Variants in GALNT13 observed in about 807,000 individuals in gnomAD.
The protein encoded by GALNT13 is polypeptide N-acetylgalactosaminyltransferase 13.
Under a neutral mutation model 64.2 loss-of-function variants are expected in GALNT13, and 28 were observed. The observed-to-expected ratio is 0.44, with a 90% CI of 0.32 to 0.60. The LOEUF is 0.60. GALNT13 is among the 20% of genes least tolerant of loss of function. GALNT13 has a pLI of 0.05. For synonymous variants in GALNT13, 214 were observed against 224.6 expected, an observed-to-expected ratio of 0.95 and a Z score of 0.42; for missense variants, 577 against 669.8, an observed-to-expected ratio of 0.86 and a Z score of 1.53.
chr2:153,896,081 A>ATATATATATATATATATATTTTTT (rs1574065409), intron 1 of GALNT13, among the ~76,000 whole-genome samples: 5 of 136,866 alleles, frequency 3.7e-5, no homozygotes, highest in Non-Finnish European at 4.7e-5. Context: ...ATGATTTTAT[A>ATATATATATATATATATATTTTTT]TTTTTATGTT....
intron 4 of GALNT13, among the ~76,000 whole-genome samples, chr2:154,168,176 G>A (rs1196041004): frequency 2.0e-5 from 3 of 152,124 alleles, no homozygotes; most frequent in Admixed American, 6.5e-5. Flanking sequence ...GCATGTCACA[G>A]AGAGATTTAT....
chr2:153,687,537 T>A, the GALNT13 span, among the ~76,000 whole-genome samples: 1 of 152,012 alleles, frequency 6.6e-6, no homozygotes, highest in East Asian at 1.9e-4. Context: ...GAAGAGTAAA[T>A]ATTTATCTCT....
chr2:154,154,501 C>T (rs76255123), intron 4 of GALNT13, among the ~76,000 whole-genome samples: 3 of 152,182 alleles, frequency 2.0e-5, no homozygotes, highest in African/African-American at 4.8e-5. Flanking sequence ...ATTTAGGAAG[C>T]GTTATTCTTG....
At chr2:154,191,675 G>A (rs1304207959) in intron 4 of GALNT13, among the ~76,000 whole-genome samples, 1 of 152,082 alleles carries the variant, frequency 6.6e-6, no homozygotes, top group Non-Finnish European at 1.5e-5. Context: ...CCCCTCACAG[G>A]GCGTGCAGTG....
rs868691645 is a variant in GALNT13, at chr2:154,242,805, G to A, written c.586G>A (p.Ala196Thr). 1.9e-6 allele frequency: 3 copies of A among 1,613,976 alleles called. No homozygotes were observed. The highest frequency in any genetic ancestry group is 2.5e-6 in the Non-Finnish European group (3 of 1,179,960). ...SGLIRARLRG[A>T]AASKGQVITF... ...GTTAATACGTGCCCGTCTTCGAGGA[G>A]CAGCTGCTTCAAAAGGGCAGGTCAT... Residue 196 changes from alanine to threonine, a missense_variant, in exon 6 of 13, where the codon GCA becomes ACA. This residue lies in a region of GALNT13 where 341 missense variants were observed against 379.3 expected (regional missense o/e 0.90). Coordinates refer to ENST00000392825, the MANE Select transcript of GALNT13 (RefSeq NM_052917.4).
intron 3 of GALNT13, among the ~76,000 whole-genome samples, chr2:154,019,141 T>C (rs1009144104): frequency 6.6e-6 from 1 of 152,142 alleles, no homozygotes; most frequent in East Asian, 1.9e-4. Flanking sequence ...GCTCTTGGTT[T>C]CCTTGAGTTC....
the GALNT13 span, among the ~76,000 whole-genome samples, chr2:153,228,326 A>G: frequency 6.6e-6 from 1 of 152,180 alleles, no homozygotes; most frequent in Non-Finnish European, 1.5e-5. Flanking sequence ...TTACTTTTCT[A>G]TGTCAAAAGC....
chr2:153,219,542 GC>G, the GALNT13 span, among the ~76,000 whole-genome samples: 1 of 152,182 alleles, frequency 6.6e-6, no homozygotes, highest in East Asian at 1.9e-4. Flanking sequence ...TAAGTGCTGA[GC>G]TAAATAAGTA....
At chr2:153,357,762 T>C in the GALNT13 span, among the ~76,000 whole-genome samples, 1 of 152,200 alleles carries the variant, frequency 6.6e-6, no homozygotes, top group African/African-American at 2.4e-5. Flanking sequence ...AAAAAAGACA[T>C]TGTATATTTG....
intron 12 of GALNT13, among the ~76,000 whole-genome samples, chr2:154,442,415 A>G (rs1004155754): frequency 6.6e-6 from 1 of 152,074 alleles, no homozygotes; most frequent in Non-Finnish European, 1.5e-5. Context: ...ATAACCACGA[A>G]TTCAATTCAC....
At chr2:153,404,711 G>T in the GALNT13 span, among the ~76,000 whole-genome samples, 5 of 151,946 alleles carry the variant, frequency 3.3e-5, no homozygotes, top group Admixed American at 2.6e-4. Flanking sequence ...TATGTCTTTG[G>T]TATTAATCAC....
intron 9 of GALNT13, among the ~76,000 whole-genome samples, chr2:154,343,421 C>A (rs1445507443): frequency 6.6e-6 from 1 of 152,002 alleles, no homozygotes; most frequent in African/African-American, 2.4e-5. Context: ...AATTTTCAAA[C>A]TGGCAAGCAA....
At chr2:153,183,014 A>G in the GALNT13 span, among the ~76,000 whole-genome samples, 1 of 152,158 alleles carries the variant, frequency 6.6e-6, no homozygotes, top group Non-Finnish European at 1.5e-5. Flanking sequence ...TGCTGGGTTG[A>G]ATGGTATATC....
intron 4 of GALNT13, among the ~76,000 whole-genome samples, chr2:154,236,713 T>C (rs192805377): frequency 4.6e-5 from 7 of 152,160 alleles, no homozygotes; most frequent in Admixed American, 3.9e-4. Flanking sequence ...TACATATACA[T>C]TGTGCTCTAC....
At position 154,107,451 on chromosome 2, in the gene GALNT13, G is replaced by A. The variant is rs573089014; in HGVS notation, c.143-32886G>A. Among the ~76,000 whole-genome samples, 32 of 151,838 alleles carry A rather than the reference G, an allele frequency of 2.1e-4. No homozygotes were observed. In the Middle Eastern group the frequency reaches 0.01, roughly 48 times the overall value. ...TTAAAAATACAAAAATTAGCTGGGC[G>A]TAGTGGCGCGTGCGTGTAGTCCCAG... On this transcript the variant is annotated intron_variant, in intron 3 of 12. Coordinates refer to ENST00000392825, the MANE Select transcript of GALNT13 (RefSeq NM_052917.4).
chr2:153,107,652 T>A, the GALNT13 span, among the ~76,000 whole-genome samples: 1 of 152,120 alleles, frequency 6.6e-6, no homozygotes, highest in Non-Finnish European at 1.5e-5. Context: ...ATCATTTGTA[T>A]TTGCCTTTGG....
chr2:153,252,285 G>A, the GALNT13 span, among the ~76,000 whole-genome samples: 2 of 110,638 alleles, frequency 1.8e-5, no homozygotes, highest in Non-Finnish European at 3.8e-5. Flanking sequence ...AGAAGTGTCT[G>A]TTCATGTCCT....
At chr2:153,319,165 A>T in the GALNT13 span, among the ~76,000 whole-genome samples, 1 of 152,220 alleles carries the variant, frequency 6.6e-6, no homozygotes, top group Non-Finnish European at 1.5e-5. Context: ...GTAAATTGCA[A>T]ACAATAATAT....
intron 8 of GALNT13, among the ~76,000 whole-genome samples, chr2:154,288,710 A>G (rs919853661): frequency 6.6e-6 from 1 of 152,204 alleles, no homozygotes; most frequent in Non-Finnish European, 1.5e-5. Context: ...TTGACTCCAT[A>G]TCTCACATCC....
Sources: allele counts gnomAD v4.1 joint callset (sites outside exome capture counted in the v4.1 genomes callset), GRCh38; gene constraint gnomAD v4.1.1; regional missense constraint gnomAD v4.1.1; transcripts MANE v1.5; gene names NCBI Gene and HGNC (gene_info 2026-07-23, HGNC 2026-07-21).